The following TSG101 variants were observed in gnomAD, a reference collection of about 807,000 sequenced individuals.
The protein encoded by TSG101 is tumor susceptibility 101, also known as tumor susceptibility gene 101 protein.
A neutral mutation model predicts 48.5 loss-of-function variants in TSG101; 19 were observed. The ratio of observed to expected loss-of-function variants is 0.39; its 90% CI spans 0.27 to 0.58. The LOEUF (loss-of-function observed/expected upper bound fraction) is 0.58, where lower values mean the gene tolerates loss of function less well. Among genes scored for constraint, TSG101 ranks in the 20% least tolerant of loss-of-function variants. The pLI is 0.55. For missense variants in TSG101, 365 were observed against 484.4 expected (o/e 0.75, Z 2.31); for synonymous variants, 174 against 169.4 (o/e 1.03, Z -0.21).
Position 18,526,904 on chromosome 11 carries a change from C to A in TSG101, c.-88G>T, listed in dbSNP as rs2292178. ...GACCGTCCCACACAATCGCACACCC[C>A]CAACCCGGCCTCAAACAACAGGAAG... is the stretch of plus-strand genomic sequence containing the variant. On this transcript the variant is annotated 5_prime_UTR_variant, in exon 1 of 10. Transcript: ENST00000251968. The A allele has an allele frequency of 3.1e-5, 45 of 1,438,622 alleles. No individual in the cohort carries two copies. In the African/African-American group the frequency reaches 4.4e-4, roughly 14 times the overall value. The allele number at this position is 1,438,622 out of a possible 1,614,324, so 89.1% of individuals were successfully genotyped here.
rs1286315763 is a variant in TSG101 at position 18,490,833 on chromosome 11, T to A, written c.641-6761A>T. ...TTCTTGTAGGCAACAGAGAGCAGAT[T>A]TCTCTCTTCGTTGGAGTATTCATGC... On this transcript the variant is annotated intron_variant, in intron 7 of 9. Transcript: ENST00000251968. The A allele has an allele frequency of 1.5e-5, 8 of 545,250 alleles. No individual in the cohort carries two copies. In the Admixed American group the frequency reaches 1.6e-4, roughly 11 times the overall value. The allele number at this position is 545,250 out of a possible 1,614,324, so 33.8% of individuals were successfully genotyped here.
rs150324655 is a variant in TSG101, at chr11:18,514,804, C to T, written c.231G>A (p.Leu77=). The change falls in exon 4 of 10, where the codon CTG becomes CTA. Residue 77 remains leucine (L), a synonymous_variant. Transcript: ENST00000251968. ...TAGGGGGATTATATGGGTATGTGTC[C>T]AGTAGCCATAGGCATATTGGAATAT... The part of the protein sequence containing the change: ...TYNIPICLWL[L]DTYPYNPPIC... 6 of 1,586,502 alleles carry T rather than the reference C, an allele frequency of 3.8e-6. No homozygotes were observed. The African/African-American group carries it at 8.2e-5, about 22-fold the overall frequency.
intron 1 of TSG101, among the ~76,000 whole-genome samples, chr11:18,520,826 T>C (rs1590289819): frequency 6.6e-6 from 1 of 151,880 alleles, no homozygotes; most frequent in Non-Finnish European, 1.5e-5. Flanking sequence ...AGGTCAGGAG[T>C]TCGAGACCAG....
At chr11:18,512,873 A>G (rs1488017335) in intron 4 of TSG101, among the ~76,000 whole-genome samples, 11 of 151,800 alleles carry the variant, frequency 7.2e-5, no homozygotes, top group Non-Finnish European at 2.9e-5. Flanking sequence ...GATTATAGAC[A>G]TGTGCCATCA....
intron 1 of TSG101, among the ~76,000 whole-genome samples, chr11:18,523,891 A>C (rs1475836153): frequency 1.3e-5 from 2 of 152,296 alleles, no homozygotes; most frequent in African/African-American, 2.4e-5. Context: ...CCTGGGCTTA[A>C]GTGATCCTCC....
chr11:18,510,294 G>A (rs757993824), intron 4 of TSG101, among the ~76,000 whole-genome samples: 2 of 152,028 alleles, frequency 1.3e-5, no homozygotes, highest in African/African-American at 2.4e-5. Flanking sequence ...GGTGATGTGC[G>A]TCTATGGTCC....
intron 7 of TSG101, among the ~76,000 whole-genome samples, chr11:18,492,943 T>A (rs1226956767): frequency 6.6e-6 from 1 of 152,210 alleles, no homozygotes; most frequent in Non-Finnish European, 1.5e-5. Flanking sequence ...TGGAAGATTC[T>A]CATCTACTTT....
At chr11:18,489,645 G>T (rs1024256018) in intron 7 of TSG101, among the ~76,000 whole-genome samples, 5 of 152,148 alleles carry the variant, frequency 3.3e-5, no homozygotes, top group African/African-American at 1.2e-4. Flanking sequence ...TAAATTTCAG[G>T]ATTCGAGTTT....
chr11:18,487,420 A>G (rs1284045232), intron 7 of TSG101, among the ~76,000 whole-genome samples: 1 of 152,192 alleles, frequency 6.6e-6, no homozygotes, highest in Non-Finnish European at 1.5e-5. Flanking sequence ...TTGGTCTCTC[A>G]CAACAAATTC....
chr11:18,516,622 G>A (rs1252453675), intron 2 of TSG101, among the ~76,000 whole-genome samples: 2 of 152,022 alleles, frequency 1.3e-5, no homozygotes, highest in Non-Finnish European at 2.9e-5. Flanking sequence ...GGGATTACAG[G>A]TGTGAGTCAC....
At chr11:18,492,785 ATAAC>A (rs1475126092) in intron 7 of TSG101, among the ~76,000 whole-genome samples, 3 of 151,878 alleles carry the variant, frequency 2.0e-5, no homozygotes, top group Non-Finnish European at 4.4e-5. Flanking sequence ...AAAAGGAATT[ATAAC>A]TAAGATCTGA....
intron 4 of TSG101, 32 bp from the exon 5 acceptor site, chr11:18,509,697 CA>C (rs1565091779): frequency 6.4e-7 from 1 of 1,552,396 alleles, no homozygotes; most frequent in Non-Finnish European, 8.7e-7. Context: ...AAGTCAGCTA[CA>C]GAGTTGCTTT....
chr11:18,481,808 A>T lies in TSG101; in HGVS notation c.905T>A (p.Leu302Gln). The T allele has an allele frequency of 6.2e-7, 1 of 1,614,150 alleles. No homozygotes were observed. Among genetic ancestry groups the T allele is most frequent in the Non-Finnish European group, 8.5e-7 (1 of 1,180,026 alleles). The change falls in exon 9 of 10, where the codon CTG becomes CAG. Residue 302 changes from leucine (L) to glutamine (Q), a missense_variant. By Grantham distance (113) the Leu-to-Gln change is moderately radical (BLOSUM62 -2). Coordinates refer to ENST00000251968, the MANE Select transcript of TSG101 (RefSeq NM_006292.4). ...TTCAGACTGATTTTCCATTTTTTCC[A>T]GAGCAGAACTGAGTTCTTCATCCTT... ...KKKDEELSSA[L>Q]EKMENQSENN...
At chr11:18,512,635 A>G (rs770225755) in intron 4 of TSG101, among the ~76,000 whole-genome samples, 3 of 151,546 alleles carry the variant, frequency 2.0e-5, no homozygotes, top group Non-Finnish European at 4.4e-5. Context: ...GAGAGTCTAT[A>G]TATTATCTTC....
chr11:18,504,222 G>C (rs1204583561), intron 6 of TSG101, among the ~76,000 whole-genome samples: 3 of 136,142 alleles, frequency 2.2e-5, no homozygotes, highest in South Asian at 2.3e-4. Context: ...AAAAAAAAAA[G>C]CTAGCCTAGG....
At chr11:18,506,978 G>C in intron 5 of TSG101, 55 bp from the exon 6 acceptor site, 3 of 1,436,092 alleles carry the variant, frequency 2.1e-6, no homozygotes, top group Non-Finnish European at 2.9e-6. Context: ...TGAATATGTA[G>C]GCTACTGAAT....
At chr11:18,525,317 C>T (rs914838385) in intron 1 of TSG101, among the ~76,000 whole-genome samples, 3 of 151,882 alleles carry the variant, frequency 2.0e-5, no homozygotes, top group Admixed American at 6.5e-5. Flanking sequence ...GAAGCCAAAG[C>T]GGTGGATCAC....
intron 6 of TSG101, among the ~76,000 whole-genome samples, chr11:18,506,555 G>C (rs550098219): frequency 6.6e-6 from 1 of 152,050 alleles, no homozygotes; most frequent in East Asian, 1.9e-4. Flanking sequence ...GCCGGGAATG[G>C]TGGCACAGCC....
At chr11:18,482,350 G>A (rs916821263) in intron 8 of TSG101, among the ~76,000 whole-genome samples, 1 of 152,194 alleles carries the variant, frequency 6.6e-6, no homozygotes, top group East Asian at 1.9e-4. Flanking sequence ...GCTCTGAGTT[G>A]TATTGGTGTC....
Sources: allele counts gnomAD v4.1 joint callset (sites outside exome capture counted in the v4.1 genomes callset), GRCh38; gene constraint gnomAD v4.1.1; transcripts MANE v1.5; gene names NCBI Gene and HGNC (gene_info 2026-07-23, HGNC 2026-07-21).